Variants in ERC1 observed in about 807,000 individuals in gnomAD.
ERC1 encodes the protein RAB6 interacting protein 2.
ERC1 carries 56 observed loss-of-function variants against 132.0 expected under a neutral mutation model. That is an observed-to-expected ratio of 0.42 (90% confidence interval 0.34 to 0.53). ERC1 has a LOEUF of 0.53. Among genes scored for constraint, ERC1 ranks in the 20% least tolerant of loss-of-function variants. The probability of loss-of-function intolerance (pLI) is 0.03; values close to 1 mark genes in which losing one functional copy is unlikely to be tolerated. For synonymous variants in ERC1, 478 were observed against 476.1 expected, an observed-to-expected ratio of 1.00 and a Z score of -0.05; for missense variants, 1,202 against 1,349.9, an observed-to-expected ratio of 0.89 and a Z score of 1.72.
chr12:1,095,838 G>A (rs1048440242), intron 3 of ERC1, among the ~76,000 whole-genome samples: 1 of 152,060 alleles, frequency 6.6e-6, no homozygotes, highest in African/African-American at 2.4e-5. Context: ...AGTTTGTTTT[G>A]AGCAATGGGT....
At chr12:1,246,259 G>A (rs2076152806) in intron 13 of ERC1, among the ~76,000 whole-genome samples, 1 of 151,104 alleles carries the variant, frequency 6.6e-6, no homozygotes, top group South Asian at 2.1e-4. Context: ...AGGTGGGAGA[G>A]TGCTTAAATT....
At chr12:1,204,288 T>A (rs957176873) in intron 12 of ERC1, among the ~76,000 whole-genome samples, 19 of 151,536 alleles carry the variant, frequency 1.3e-4, no homozygotes, top group Non-Finnish European at 1.8e-4. Context: ...TTCATTAAAA[T>A]ACAATGGTGT....
At chr12:1,110,026 G>A (rs529664249) in intron 4 of ERC1, among the ~76,000 whole-genome samples, 166 bp from the exon 5 acceptor site, 9 of 152,312 alleles carry the variant, frequency 5.9e-5, no homozygotes, top group South Asian at 4.1e-4. Context: ...GAGCCTGGGC[G>A]ACAGACTCTG....
intron 17 of ERC1, among the ~76,000 whole-genome samples, chr12:1,417,633 T>C (rs533371786): frequency 6.6e-6 from 1 of 152,096 alleles, no homozygotes; most frequent in Non-Finnish European, 1.5e-5. Flanking sequence ...ATATAAAAAT[T>C]AGCTGGGTGT....
rs189730151 is a variant in ERC1, at chr12:1,364,981, G to A, written c.2781-6852G>A. 1.1e-3 allele frequency among the ~76,000 whole-genome samples: 162 copies of A among 152,170 alleles called. 3 individuals are homozygous for A. Among genetic ancestry groups the A allele is most frequent in the Admixed American group, 7.5e-3 (114 of 15,284 alleles). On this transcript the variant is annotated intron_variant, in intron 15 of 18. Transcript: ENST00000360905. ...CTTCCCCTGCTTTAGTAACAATTGTGCCCTCTGGACAAACACAGATTCAAT... is the reference window on the plus strand; with the variant it reads ...CTTCCCCTGCTTTAGTAACAATTGTACCCTCTGGACAAACACAGATTCAAT...
At chr12:996,338 A>G (rs145347693) in intron 1 of ERC1, among the ~76,000 whole-genome samples, 23,264 of 141,986 alleles carry the variant, frequency 0.16, 2,134 homozygotes, top group Middle Eastern at 0.22. Flanking sequence ...TCCTGACCTC[A>G]TGATCCGCGC....
chr12:1,138,974 G>A (rs1004013863), intron 7 of ERC1, among the ~76,000 whole-genome samples: 3 of 152,190 alleles, frequency 2.0e-5, no homozygotes, highest in Admixed American at 1.3e-4. Context: ...CCACATTGCC[G>A]TGAGAGAGTG....
chr12:1,247,028 C>T (rs112906163), intron 13 of ERC1, among the ~76,000 whole-genome samples: 3,803 of 152,070 alleles, frequency 0.025, 155 homozygotes, highest in African/African-American at 0.086. Flanking sequence ...ACTTGGGAGG[C>T]TGAAGAGGGA....
At chr12:1,431,251 A>T (rs1381666464) in intron 17 of ERC1, among the ~76,000 whole-genome samples, 1 of 152,212 alleles carries the variant, frequency 6.6e-6, no homozygotes, top group African/African-American at 2.4e-5. Context: ...ACAGGGGCAG[A>T]TATCTCTAAA....
In ERC1 at chr12:1,224,428, T is replaced by C. The variant is rs73025695; in HGVS notation, c.2352-12341T>C. Among the ~76,000 whole-genome samples the C allele has an allele frequency of 4.2e-3, 635 of 152,152 alleles. 4 individuals carry two copies. Among genetic ancestry groups the C allele is most frequent in the Non-Finnish European group, 6.9e-3 (471 of 67,998 alleles). ...CTATAGAGTGAAGGTGAAGAAATAA[T>C]AGTGGTGAAACTAAAGATAGGAGAT... is the stretch of plus-strand genomic sequence containing the variant. On this transcript the variant is annotated intron_variant, in intron 12 of 18. Transcript: ENST00000360905.
At chr12:1,403,381 T>G (rs997825201) in intron 16 of ERC1, among the ~76,000 whole-genome samples, 1 of 152,228 alleles carries the variant, frequency 6.6e-6, no homozygotes, top group Admixed American at 6.5e-5. Context: ...CTTTTTGGTC[T>G]TATCTTGAGA....
chr12:1,283,005 G>T (rs1223340999), intron 14 of ERC1, among the ~76,000 whole-genome samples: 5 of 152,210 alleles, frequency 3.3e-5, no homozygotes, highest in Admixed American at 1.3e-4. Flanking sequence ...CCTGGTTGTG[G>T]AACAGAAGAA....
At chr12:1,480,203 G>A (rs777794566) in intron 18 of ERC1, among the ~76,000 whole-genome samples, 11 of 152,048 alleles carry the variant, frequency 7.2e-5, no homozygotes, top group South Asian at 2.1e-4. Context: ...ATGAGACTTC[G>A]TGCTTAAGTT....
intron 15 of ERC1, among the ~76,000 whole-genome samples, chr12:1,341,448 G>A (rs2083885514): frequency 6.6e-6 from 1 of 152,114 alleles, no homozygotes; most frequent in Non-Finnish European, 1.5e-5. Context: ...TTAAGAAAAT[G>A]TGGCACATAT....
intron 2 of ERC1, among the ~76,000 whole-genome samples, chr12:1,069,804 C>T (rs1939988252): frequency 6.6e-6 from 1 of 152,096 alleles, no homozygotes; most frequent in South Asian, 2.1e-4. Context: ...TTTTAAATGG[C>T]TTCATACTAT....
chr12:1,384,760 G>A (rs1264326553), intron 16 of ERC1, among the ~76,000 whole-genome samples: 1 of 152,120 alleles, frequency 6.6e-6, no homozygotes, highest in Non-Finnish European at 1.5e-5. Flanking sequence ...CAGTATTTGT[G>A]GTAGTTGGTT....
At chr12:1,084,195 G>A (rs74057005) in intron 3 of ERC1, among the ~76,000 whole-genome samples, 5,190 of 152,218 alleles carry the variant, frequency 0.034, 180 homozygotes, top group African/African-American at 0.081. Flanking sequence ...TCTAAATAAT[G>A]TATCATTTTA....
At chr12:1,399,126 T>C (rs1353207661) in intron 16 of ERC1, among the ~76,000 whole-genome samples, 1 of 151,500 alleles carries the variant, frequency 6.6e-6, no homozygotes, top group African/African-American at 2.4e-5. Flanking sequence ...TTTTTTTTTA[T>C]TTTTTTGTAG....
chr12:1,146,631 TTTA>T (rs1950398653), intron 8 of ERC1, among the ~76,000 whole-genome samples: 2 of 151,686 alleles, frequency 1.3e-5, no homozygotes, highest in South Asian at 4.2e-4. Flanking sequence ...TTTTTTAAAT[TTTA>T]TTATTATACT....
Sources: allele counts gnomAD v4.1 joint callset (sites outside exome capture counted in the v4.1 genomes callset), GRCh38; gene constraint gnomAD v4.1.1; transcripts MANE v1.5; gene names NCBI Gene and HGNC (gene_info 2026-07-23, HGNC 2026-07-21).